The following CHRM3 variants were observed in gnomAD, a reference collection of about 807,000 sequenced individuals.
The protein encoded by CHRM3 is muscarinic acetylcholine receptor M3.
Under a neutral mutation model 41.8 loss-of-function variants are expected in CHRM3, and 11 were observed. That is an observed-to-expected ratio of 0.26 (90% CI 0.17 to 0.44). CHRM3 has a LOEUF of 0.44. Ranked by LOEUF, CHRM3 falls within the 20% of genes least tolerant of loss-of-function variation. The probability of loss-of-function intolerance (pLI) is 1.00; values close to 1 mark genes in which losing one functional copy is unlikely to be tolerated. For synonymous variants in CHRM3, 297 were observed against 301.4 expected, an observed-to-expected ratio of 0.99 and a Z score of 0.15; for missense variants, 571 against 745.4, an observed-to-expected ratio of 0.77 and a Z score of 2.72.
chr1:239,427,168 T>G (rs1298290202), intron 1 of CHRM3, among the ~76,000 whole-genome samples: 4 of 152,168 alleles, frequency 2.6e-5, no homozygotes, highest in African/African-American at 9.7e-5. Context: ...TGAGTGAGAA[T>G]AAGAGGGAGT....
At chr1:239,487,356 A>G (rs371586539) in intron 1 of CHRM3, among the ~76,000 whole-genome samples, 4 of 152,134 alleles carry the variant, frequency 2.6e-5, no homozygotes, top group African/African-American at 4.8e-5. Context: ...TAAATGAAAA[A>G]CCGAGTAGAA....
At chr1:239,616,125 A>G (rs1354479126) in intron 3 of CHRM3, among the ~76,000 whole-genome samples, 3 of 152,224 alleles carry the variant, frequency 2.0e-5, no homozygotes, top group Admixed American at 6.5e-5. Context: ...CAAGTTGTAA[A>G]CACTATTAAC....
At chr1:239,503,622 A>G (rs1319373485) in intron 2 of CHRM3, among the ~76,000 whole-genome samples, 1 of 152,226 alleles carries the variant, frequency 6.6e-6, no homozygotes, top group East Asian at 1.9e-4. Context: ...ATACTAAGCA[A>G]AAAGAACAAA....
intron 1 of CHRM3, among the ~76,000 whole-genome samples, chr1:239,394,062 C>G (rs1659275344): frequency 6.6e-6 from 1 of 152,130 alleles, no homozygotes; most frequent in Admixed American, 6.5e-5. Flanking sequence ...TTTGGATACA[C>G]AGTAAGTCAA....
chr1:239,598,826 T>A (rs1310107483), intron 3 of CHRM3, among the ~76,000 whole-genome samples: 2 of 152,048 alleles, frequency 1.3e-5, no homozygotes, highest in Non-Finnish European at 2.9e-5. Flanking sequence ...TCAAAATAAG[T>A]GGGAGTGTAG....
chr1:239,652,688 A>G (rs758727751), intron 4 of CHRM3, among the ~76,000 whole-genome samples: 1 of 151,810 alleles, frequency 6.6e-6, no homozygotes, highest in Non-Finnish European at 1.5e-5. Context: ...AATAGGTGTA[A>G]TAATCTTTCT....
chr1:239,621,787 A>C (rs1019551055), intron 3 of CHRM3, among the ~76,000 whole-genome samples: 1 of 152,174 alleles, frequency 6.6e-6, no homozygotes, highest in Non-Finnish European at 1.5e-5. Flanking sequence ...TATAATATAA[A>C]ATTACAAGGT....
Position 239,748,947 on chromosome 1 carries a change from C to T in CHRM3, c.-147+70659C>T, listed in dbSNP as rs1016545683. 3.9e-5 allele frequency among the ~76,000 whole-genome samples: 6 copies of T among 152,114 alleles called. No homozygotes were observed. The highest frequency in any genetic ancestry group is 1.2e-4 in the African/African-American group (5 of 41,426). ...GGCAGTTCTTTGCAAATGGGTGCTG[C>T]GTGAGTATCAGTACTGAAATGCTCA... On this transcript the variant is annotated intron_variant, in intron 5 of 6. Transcript: ENST00000676153. The surrounding 1 kb of genome is among the most constrained non-coding windows in gnomAD (Gnocchi z 4.3).
chr1:239,532,432 C>A, intron 2 of CHRM3, among the ~76,000 whole-genome samples: 1 of 150,738 alleles, frequency 6.6e-6, no homozygotes, highest in African/African-American at 2.4e-5. Context: ...TCGAGACCAT[C>A]CTGGCCAACG....
intron 3 of CHRM3, among the ~76,000 whole-genome samples, chr1:239,623,146 G>T (rs999643634): frequency 2.0e-5 from 3 of 151,984 alleles, no homozygotes; most frequent in Admixed American, 2.0e-4. Flanking sequence ...TAAGTTTTAG[G>T]GTACATGTGC....
At chr1:239,406,537 C>T (rs1293433849) in intron 1 of CHRM3, among the ~76,000 whole-genome samples, 1 of 152,180 alleles carries the variant, frequency 6.6e-6, no homozygotes, top group African/African-American at 2.4e-5. Context: ...TTAACATCGC[C>T]ATTACTGAAG....
chr1:239,705,721 T>C (rs532169479), intron 5 of CHRM3: 6 of 152,170 alleles, frequency 3.9e-5, no homozygotes, highest in African/African-American at 1.4e-4. Context: ...TTAACCTGTA[T>C]GAGGATATAA....
chr1:239,400,274 A>T (rs932056712), intron 1 of CHRM3, among the ~76,000 whole-genome samples: 3 of 152,148 alleles, frequency 2.0e-5, no homozygotes, highest in Admixed American at 2.0e-4. Flanking sequence ...CTCTGTTCAC[A>T]TCTTTTGCCT....
At chr1:239,777,067 G>A (rs1051068134) in intron 5 of CHRM3, among the ~76,000 whole-genome samples, 2 of 152,140 alleles carry the variant, frequency 1.3e-5, no homozygotes, top group Non-Finnish European at 2.9e-5. Context: ...TTATCCATGA[G>A]CTAACACAAT....
chr1:239,630,350 C>T (rs1278533762), intron 3 of CHRM3, among the ~76,000 whole-genome samples: 1 of 152,124 alleles, frequency 6.6e-6, no homozygotes, highest in Non-Finnish European at 1.5e-5. Context: ...GCATTTATTA[C>T]TTTTAATGAT....
At chr1:239,883,910 C>T (rs1677852975) in intron 6 of CHRM3, among the ~76,000 whole-genome samples, 2 of 152,188 alleles carry the variant, frequency 1.3e-5, no homozygotes, top group Admixed American at 6.5e-5. Flanking sequence ...CATCTCTCCT[C>T]TTAAAATTTT....
chr1:239,523,717 A>T (rs1266582017), intron 2 of CHRM3, among the ~76,000 whole-genome samples: 2 of 152,200 alleles, frequency 1.3e-5, no homozygotes, highest in Non-Finnish European at 2.9e-5. Context: ...CAACTATTGT[A>T]TGTTTGTTGG....
At position 239,707,788 on chromosome 1, in the gene CHRM3, C is replaced by G. The variant is rs1661339331; in HGVS notation, c.-147+29500C>G. Reference sequence around the variant, plus strand: ...GGAAAAGAAAACAATAATTAAATACCTTCACTTATCCTACTTTATCCCTGA... The same window carrying G: ...GGAAAAGAAAACAATAATTAAATACGTTCACTTATCCTACTTTATCCCTGA... On this transcript the variant is annotated intron_variant, in intron 5 of 6. Coordinates refer to ENST00000676153, the MANE Select transcript of CHRM3 (RefSeq NM_001375978.1). 2.0e-5 allele frequency: 3 copies of G among 152,066 alleles called. No individual in the cohort carries two copies. In the South Asian group the frequency reaches 6.2e-4, roughly 32 times the overall value. 9.4% of individuals were successfully genotyped at this position (152,066 alleles called of 1,614,324 possible). A position where few individuals can be genotyped will look rare whatever the true frequency, so the allele number is the denominator to read the frequency against.
chr1:239,532,338 T>TAGG (rs948848964), intron 2 of CHRM3, among the ~76,000 whole-genome samples: 3 of 147,406 alleles, frequency 2.0e-5, no homozygotes, highest in African/African-American at 7.4e-5. Flanking sequence ...ATAAAATATG[T>TAGG]AGGAGTTGGC....
Sources: allele counts gnomAD v4.1 joint callset (sites outside exome capture counted in the v4.1 genomes callset), GRCh38; gene constraint gnomAD v4.1.1; non-coding constraint Gnocchi (gnomAD v3.1); transcripts MANE v1.5; gene names NCBI Gene and HGNC (gene_info 2026-07-23, HGNC 2026-07-21).